Variants in RABGEF1 observed in about 807,000 individuals in gnomAD.
RABGEF1 encodes the protein rab5 GDP/GTP exchange factor.
Under a neutral mutation model 57.3 loss-of-function variants are expected in RABGEF1, and 26 were observed. The ratio of observed to expected loss-of-function variants is 0.45; its 90% CI spans 0.33 to 0.63. RABGEF1 has a LOEUF of 0.63. Ranked by LOEUF, RABGEF1 falls within the 20% of genes least tolerant of loss-of-function variation. The pLI is 0.02. For synonymous variants in RABGEF1, 185 were observed against 210.7 expected, an observed-to-expected ratio of 0.88 and a Z score of 1.06; for missense variants, 464 against 607.6, an observed-to-expected ratio of 0.76 and a Z score of 2.48.
At chr7:66,792,298 A>G (rs986859801) in intron 4 of RABGEF1, among the ~76,000 whole-genome samples, 2 of 152,218 alleles carry the variant, frequency 1.3e-5, no homozygotes, top group Non-Finnish European at 2.9e-5. Context: ...CCCTTTGGCA[A>G]ACACTGTGAG....
At chr7:66,752,983 T>C (rs11772819) in intron 1 of RABGEF1, among the ~76,000 whole-genome samples, 51,932 of 152,116 alleles carry the variant, frequency 0.34, 9,267 homozygotes, top group Middle Eastern at 0.5. Flanking sequence ...CCTCAGTTCC[T>C]GGCACTGTGC....
chr7:66,749,929 G>T (rs1056528348), intron 1 of RABGEF1, among the ~76,000 whole-genome samples: 1 of 152,046 alleles, frequency 6.6e-6, no homozygotes, highest in Non-Finnish European at 1.5e-5. Context: ...AGCCGAGATC[G>T]CACCACTGCA....
At chr7:66,741,849 G>A (rs1230072595) in intron 1 of RABGEF1, among the ~76,000 whole-genome samples, 3 of 152,078 alleles carry the variant, frequency 2.0e-5, no homozygotes, top group Non-Finnish European at 2.9e-5. Flanking sequence ...GTTAAAGAGT[G>A]TGTTCCGGCC....
rs183942083 is a variant in RABGEF1, at chr7:66,698,758, G to T, written c.-872-13409G>T. 2.4e-3 allele frequency among the ~76,000 whole-genome samples: 366 copies of T among 152,258 alleles called. 6 individuals carry two copies. The highest frequency in any genetic ancestry group is 9.9e-4 in the Non-Finnish European group (67 of 68,014). On this transcript the variant is annotated intron_variant and NMD_transcript_variant, in intron 1 of 9. Transcript: ENST00000607882. The stretch of plus-strand genomic sequence containing the variant: ...GGTCTCTGAGTCTCAGTGTGGGTGG[G>T]TCTGACTCTGCCACCCAGGGCTCCA...
intron 1 of RABGEF1, among the ~76,000 whole-genome samples, chr7:66,706,656 C>T (rs140311303): frequency 0.015 from 2,212 of 151,706 alleles, 57 homozygotes; most frequent in East Asian, 0.092. Context: ...CCTCATGATC[C>T]GCCCGCCTCG....
intron 1 of RABGEF1, among the ~76,000 whole-genome samples, chr7:66,703,991 A>C (rs958213928): frequency 6.6e-6 from 1 of 152,202 alleles, no homozygotes; most frequent in Non-Finnish European, 1.5e-5. Context: ...ACTTTTCAGC[A>C]CACAAGTCTT....
intron 1 of RABGEF1, among the ~76,000 whole-genome samples, chr7:66,709,660 A>G (rs949683531): frequency 6.6e-6 from 1 of 152,074 alleles, no homozygotes; most frequent in African/African-American, 2.4e-5. Context: ...TTGTAATCCC[A>G]CCTACTCAGG....
chr7:66,779,524 T>C (rs1235675132), intron 3 of RABGEF1, among the ~76,000 whole-genome samples: 1 of 151,246 alleles, frequency 6.6e-6, no homozygotes, highest in Non-Finnish European at 1.5e-5. Context: ...AAAAAAAAAT[T>C]AAAAAATTAG....
chr7:66,704,686 C>T (rs1472854782), intron 1 of RABGEF1, among the ~76,000 whole-genome samples: 3 of 151,964 alleles, frequency 2.0e-5, no homozygotes, highest in Non-Finnish European at 4.4e-5. Flanking sequence ...TGGTGGGCGC[C>T]TGTAGTCCCA....
the RABGEF1 span, among the ~76,000 whole-genome samples, chr7:66,658,628 C>T: frequency 6.6e-6 from 1 of 151,888 alleles, no homozygotes; most frequent in Admixed American, 6.6e-5. Context: ...CACAGAAATA[C>T]CCTTGACTGG....
chr7:66,748,960 G>T, intron 1 of RABGEF1: 1 of 202,068 alleles, frequency 4.9e-6, no homozygotes, highest in South Asian at 9.2e-5. Context: ...CAAGGCCGCT[G>T]CTGCTTTGCT....
the RABGEF1 span, among the ~76,000 whole-genome samples, chr7:66,668,551 G>A: frequency 1.3e-5 from 2 of 152,212 alleles, no homozygotes; most frequent in African/African-American, 4.8e-5. Flanking sequence ...CTGGAGAGGG[G>A]GGGATTGGCA....
intron 2 of RABGEF1, among the ~76,000 whole-genome samples, chr7:66,732,695 T>C (rs1797461741): frequency 6.6e-6 from 1 of 151,892 alleles, no homozygotes; most frequent in African/African-American, 2.4e-5. Flanking sequence ...TGCGCTCTTG[T>C]GCTCTCTCTC....
chr7:66,784,835 C>G (rs1810781579), intron 4 of RABGEF1, among the ~76,000 whole-genome samples: 1 of 151,238 alleles, frequency 6.6e-6, no homozygotes, highest in Non-Finnish European at 1.5e-5. Context: ...CATTTAGAGT[C>G]AAAACAAGTG....
the RABGEF1 span, among the ~76,000 whole-genome samples, chr7:66,664,948 G>A: frequency 2.0e-5 from 3 of 152,200 alleles, no homozygotes; most frequent in African/African-American, 2.4e-5. Context: ...GGAGCCCGTG[G>A]CCCCCACGGC....
At chr7:66,774,392 C>G (rs62468262) in intron 2 of RABGEF1, among the ~76,000 whole-genome samples, 5,579 of 152,304 alleles carry the variant, frequency 0.037, 160 homozygotes, top group East Asian at 0.085. Flanking sequence ...GATTTACAGT[C>G]TTTCTTGCTT....
rs1340056769 is a variant in RABGEF1, at chr7:66,721,080, G to A, written c.-815+8856G>A. On this transcript the variant is annotated intron_variant and NMD_transcript_variant, in intron 2 of 9. Transcript: ENST00000607882. Reference sequence around the variant, plus strand: ...ATCACAGGCGCACGTCACCACGCCCGGCTAATTTTTGTATATTTAGTAGGG... The same window carrying A: ...ATCACAGGCGCACGTCACCACGCCCAGCTAATTTTTGTATATTTAGTAGGG... Among the ~76,000 whole-genome samples, 6 of 151,892 alleles carry A rather than the reference G, an allele frequency of 4.0e-5. No individual in the cohort carries two copies. In the South Asian group the frequency reaches 1.0e-3, roughly 26 times the overall value.
chr7:66,742,498 A>C (rs538788761), intron 1 of RABGEF1, among the ~76,000 whole-genome samples: 2 of 152,194 alleles, frequency 1.3e-5, no homozygotes, highest in Admixed American at 6.6e-5. Context: ...GGATCAGGGA[A>C]TACTTTCTGC....
At chr7:66,656,588 G>A in the RABGEF1 span, among the ~76,000 whole-genome samples, 1 of 152,070 alleles carries the variant, frequency 6.6e-6, no homozygotes, top group Non-Finnish European at 1.5e-5. Context: ...TTGGGAGGCC[G>A]AGGCGGTCGG....
Sources: allele counts gnomAD v4.1 joint callset (sites outside exome capture counted in the v4.1 genomes callset), GRCh38; gene constraint gnomAD v4.1.1; transcripts MANE v1.5; gene names NCBI Gene and HGNC (gene_info 2026-07-23, HGNC 2026-07-21).